The following OTOS variants were observed in gnomAD, a reference collection of about 807,000 sequenced individuals.
OTOS encodes otospiralin.
Under a neutral mutation model 12.5 loss-of-function variants are expected in OTOS, and 14 were observed. The ratio of observed to expected loss-of-function variants is 1.12; its 90% CI spans 0.74 to 1.76. The LOEUF (loss-of-function observed/expected upper bound fraction) is 1.76. Ranked by LOEUF, OTOS falls within the 40% of genes most tolerant of loss-of-function variation. The pLI is 0.00. For synonymous variants in OTOS, 49 were observed against 47.6 expected (o/e 1.03, Z -0.12); for missense variants, 141 against 112.8 (o/e 1.25, Z -1.13).
intron 3 of OTOS, 29 bp from the exon 4 acceptor site, chr2:240,139,383 G>T (rs1228146784): frequency 6.3e-7 from 1 of 1,592,990 alleles, no homozygotes; most frequent in Non-Finnish European, 8.6e-7. Flanking sequence ...CTGCCTTGGG[G>T]GCTGTCCCCA....
Position 240,140,270 on chromosome 2 carries a change from T to G in OTOS, c.57A>C (p.Ala19=). The change falls in exon 2 of 4, where the codon GCA becomes GCC. Residue 19 remains alanine, a splice_region_variant and synonymous_variant. Transcript: ENST00000319460. ...CCTCCCTCCAGAGCGGCCCCTCACC[T>G]GCAAGAGGCCCCAGTAGGAGGCAGA... ...LALCLLLGPL[A]GAKPVQEEGD... 1 of 1,594,178 alleles carries G rather than the reference T, an allele frequency of 6.3e-7. No homozygotes were observed. Among genetic ancestry groups the G allele is most frequent in the South Asian group, 1.1e-5 (1 of 88,352 alleles).
At chr2:240,140,125 C>A (rs1219075119) in intron 2 of OTOS, 37 bp from the exon 3 acceptor site, 1 of 1,611,416 alleles carries the variant, frequency 6.2e-7, no homozygotes, top group Non-Finnish European at 8.5e-7. Context: ...CCAGGAGGAC[C>A]ACCCAGGTGC....
At chr2:240,139,988 T>C (rs2151714790) in intron 3 of OTOS, 74 bp downstream of exon 3, 1 of 1,536,876 alleles carries the variant, frequency 6.5e-7, no homozygotes, top group Non-Finnish European at 8.9e-7. Flanking sequence ...AAGCTGCTGC[T>C]CTCCCCAGCA....
rs1042718369 is a variant in OTOS at position 240,139,045 on chromosome 2, A to G, written c.*125T>C. ...CGCTGGTTGTGCATCTTCAGTCCGG[A>G]GTTTATTGAGCGTGAGACCAGGCCT... On this transcript the variant is annotated 3_prime_UTR_variant, in exon 4 of 4. Transcript: ENST00000319460. The G allele has an allele frequency of 7.2e-6, 7 of 975,992 alleles. No individual in the cohort carries two copies. The African/African-American group carries it at 8.2e-5, about 11-fold the overall frequency. The allele number at this position is 975,992 out of a possible 1,614,324, so 60.5% of individuals were successfully genotyped here. A position where few individuals can be genotyped will look rare whatever the true frequency, so the allele number is the denominator to read the frequency against.
rs1260218484 is a variant in OTOS, at chr2:240,139,254, C to G, written c.186G>C (p.Gln62His). ...QHFQALGAYP[Q>H]IEDMARTFFA... is the part of the protein sequence containing the mutation. ...AGAAGGTTCGGGCCATGTCCTCGAT[C>G]TGGGGGTAGGCCCCCAGGGCCTGGA... Residue 62 changes from glutamine to histidine, a missense_variant, in exon 4 of 4, where the codon CAG becomes CAC. By Grantham distance (24) the Gln-to-His change is conservative. Coordinates refer to ENST00000319460, the MANE Select transcript of OTOS (RefSeq NM_148961.4). The G allele has an allele frequency of 1.1e-5, 18 of 1,614,078 alleles. No homozygotes were observed. The highest frequency in any genetic ancestry group is 1.5e-5 in the Non-Finnish European group (18 of 1,180,026).
chr2:240,139,220 A>C lies in OTOS; in HGVS notation c.220T>G (p.Phe74Val), dbSNP rs774106645. 2 of 1,614,098 alleles carry C rather than the reference A, an allele frequency of 1.2e-6. No homozygotes were observed. Among genetic ancestry groups the C allele is most frequent in the African/African-American group, 1.3e-5 (1 of 75,072 alleles). The change falls in exon 4 of 4, where the codon TTC becomes GTC. Residue 74 changes from phenylalanine (F) to valine (V), a missense_variant. Coordinates refer to ENST00000319460, the MANE Select transcript of OTOS (RefSeq NM_148961.4). ...EDMARTFFAH[F>V]PLGSTLGFHV... ...AAGCCCAGCGTGCTCCCCAGGGGGAAGTGGGCAAAGAAGGTTCGGGCCATG... is the reference window on the plus strand; with the variant it reads ...AAGCCCAGCGTGCTCCCCAGGGGGACGTGGGCAAAGAAGGTTCGGGCCATG...
At position 240,139,127 on chromosome 2, in the gene OTOS, A is replaced by C. The variant is rs760722963; in HGVS notation, c.*43T>G. 72 of 1,590,530 alleles carry C rather than the reference A, an allele frequency of 4.5e-5. No individual in the cohort carries two copies. Among genetic ancestry groups the C allele is most frequent in the Middle Eastern group, 1.8e-4 (1 of 5,690 alleles). On this transcript the variant is annotated 3_prime_UTR_variant, in exon 4 of 4. Transcript: ENST00000319460. Reference sequence around the variant, plus strand: ...CTCCATGCCTGTGGAGGCCCGACCGAGTGCAGCCTGGCGGGGTGGGCGGGC... The same window carrying C: ...CTCCATGCCTGTGGAGGCCCGACCGCGTGCAGCCTGGCGGGGTGGGCGGGC...
At position 240,139,340 on chromosome 2, in the gene OTOS, G is replaced by C; in HGVS notation, c.100C>G (p.Leu34Val). The C allele has an allele frequency of 6.2e-7, 1 of 1,613,544 alleles. No homozygotes were observed. The highest frequency in any genetic ancestry group is 8.5e-7 in the Non-Finnish European group (1 of 1,179,664). The change falls in exon 4 of 4, where the codon CTG becomes GTG. Residue 34 changes from leucine (L) to valine (V), a missense_variant. By Grantham distance (32) the Leu-to-Val change is conservative. Coordinates refer to ENST00000319460, the MANE Select transcript of OTOS (RefSeq NM_148961.4). ...AAAGGCCAGTAGGGCATGGCCGGCA[G>C]CTCCGCGTAAGGGTCTGAAAGACAC... ...VQEEGDPYAELPAMPYWPFST... is the reference protein window; with the variant it reads ...VQEEGDPYAEVPAMPYWPFST...
rs1343167118 is a variant in OTOS at position 240,140,383 on chromosome 2, G to C, written c.-57C>G. ...CCCACCTGCAGCAGGATGAACCCAG[G>C]AAGGGCGAGACCACCCATCCGTCAG... On this transcript the variant is annotated 5_prime_UTR_variant, in exon 2 of 4. Coordinates refer to ENST00000319460, the MANE Select transcript of OTOS (RefSeq NM_148961.4). 5 of 1,510,344 alleles carry C rather than the reference G, an allele frequency of 3.3e-6. No homozygotes were observed. The highest frequency in any genetic ancestry group is 4.5e-6 in the Non-Finnish European group (5 of 1,121,614). 93.6% of individuals were successfully genotyped at this position (1,510,344 alleles called of 1,614,324 possible).
intron 1 of OTOS, 80 bp from the exon 2 acceptor site, chr2:240,140,524 TATTTG>T: frequency 3.3e-6 from 2 of 597,288 alleles, no homozygotes; most frequent in African/African-American, 1.9e-5. Flanking sequence ...TTCAAACCAC[TATTTG>T]GAGGTGAAAT....
intron 3 of OTOS, among the ~76,000 whole-genome samples, 174 bp from the exon 4 acceptor site, chr2:240,139,528 C>T (rs903759): frequency 0.32 from 47,834 of 148,370 alleles, 7,686 homozygotes; most frequent in Middle Eastern, 0.37. Flanking sequence ...GATATCTGGT[C>T]GGGGAGACAG....
Position 240,139,160 on chromosome 2 carries a change from T to C in OTOS, c.*10A>G, listed in dbSNP as rs2072029073. The C allele has an allele frequency of 6.2e-7, 1 of 1,610,376 alleles. No individual in the cohort carries two copies. Among genetic ancestry groups the C allele is most frequent in the African/African-American group, 1.3e-5 (1 of 74,826 alleles). The stretch of plus-strand genomic sequence containing the variant: ...CTGGCGGGGTGGGCGGGCACCAGGC[T>C]GGACACCATTCAGTCCTCCTGATAG... On this transcript the variant is annotated 3_prime_UTR_variant, in exon 4 of 4. Transcript: ENST00000319460.
Position 240,139,095 on chromosome 2 carries a change from G to A in OTOS, c.*75C>T, listed in dbSNP as rs1462867727. 6.7e-7 allele frequency: 1 copy of A among 1,500,010 alleles called. No homozygotes were observed. The highest frequency in any genetic ancestry group is 9.0e-7 in the Non-Finnish European group (1 of 1,107,164). The allele number at this position is 1,500,010 out of a possible 1,614,324, so 92.9% of individuals were successfully genotyped here. ...TGACTCCTGCAGGGGCCAGGTTTTTGCGGGGACTCCATGCCTGTGGAGGCC... is the reference window on the plus strand; with the variant it reads ...TGACTCCTGCAGGGGCCAGGTTTTTACGGGGACTCCATGCCTGTGGAGGCC... On this transcript the variant is annotated 3_prime_UTR_variant, in exon 4 of 4. Transcript: ENST00000319460.
At chr2:240,139,463 T>A in intron 3 of OTOS, 109 bp from the exon 4 acceptor site, 5 of 1,142,260 alleles carry the variant, frequency 4.4e-6, no homozygotes, top group Non-Finnish European at 6.2e-6. Flanking sequence ...CTACCTACAG[T>A]GATACAACCT....
intron 1 of OTOS, 21 bp from the exon 2 acceptor site, chr2:240,140,465 T>C: frequency 4.8e-6 from 4 of 839,220 alleles, no homozygotes; most frequent in Non-Finnish European, 7.1e-6. Flanking sequence ...TGGCATGGAT[T>C]TAAAAAAAAA....
rs1210783402 is a variant in OTOS, at chr2:240,139,266, C to T, written c.174G>A (p.Gly58=). 4 of 1,614,010 alleles carry T rather than the reference C, an allele frequency of 2.5e-6. No individual in the cohort carries two copies. Among genetic ancestry groups the T allele is most frequent in the Admixed American group, 1.7e-5 (1 of 60,006 alleles). ...WNYVQHFQAL[G]AYPQIEDMAR... is the part of the protein sequence containing the mutation. ...CCATGTCCTCGATCTGGGGGTAGGC[C>T]CCCAGGGCCTGGAAGTGCTGCACAT... The change falls in exon 4 of 4, where the codon GGG becomes GGA. Residue 58 remains glycine, a synonymous_variant. Transcript: ENST00000319460.
intron 3 of OTOS, among the ~76,000 whole-genome samples, chr2:240,139,746 T>C (rs1192922826): frequency 6.6e-6 from 1 of 151,838 alleles, no homozygotes; most frequent in African/African-American, 2.4e-5. Context: ...GGGCTCAGAG[T>C]TGGGAGGGCC....
At position 240,139,201 on chromosome 2, in the gene OTOS, A is replaced by C; in HGVS notation, c.239T>G (p.Leu80Arg). 1 of 1,614,014 alleles carries C rather than the reference A, an allele frequency of 6.2e-7. No individual in the cohort carries two copies. The highest frequency in any genetic ancestry group is 8.5e-7 in the Non-Finnish European group (1 of 1,179,970). ...FFAHFPLGST[L>R]GFHVPYQED ...CTCCTGATAGGGAACGTGGAAGCCC[A>C]GCGTGCTCCCCAGGGGGAAGTGGGC... Residue 80 changes from leucine (L) to arginine (R), a missense_variant, in exon 4 of 4, where the codon CTG becomes CGG. Physicochemically the swap from Leu to Arg is moderately radical, Grantham distance 102. Transcript: ENST00000319460.
At chr2:240,140,140 T>C in intron 2 of OTOS, 52 bp from the exon 3 acceptor site, 2 of 1,609,570 alleles carry the variant, frequency 1.2e-6, no homozygotes, top group Non-Finnish European at 1.7e-6. Context: ...AGGTGCCGGT[T>C]GGGCCCACCC....
Sources: allele counts gnomAD v4.1 joint callset (sites outside exome capture counted in the v4.1 genomes callset), GRCh38; gene constraint gnomAD v4.1.1; transcripts MANE v1.5; gene names NCBI Gene and HGNC (gene_info 2026-07-23, HGNC 2026-07-21).